KCNIP4: variants seen among roughly 807,000 people sequenced by gnomAD.
KCNIP4 encodes Kv channel-interacting protein 4.
A neutral mutation model predicts 34.0 loss-of-function variants in KCNIP4; 12 were observed. That is an observed-to-expected ratio of 0.35 (90% CI 0.23 to 0.57). KCNIP4 has a LOEUF of 0.57. Among genes scored for constraint, KCNIP4 ranks in the 20% least tolerant of loss-of-function variants. The pLI is 0.83. For missense variants in KCNIP4, 238 were observed against 311.7 expected, an observed-to-expected ratio of 0.76 and a Z score of 1.78; for synonymous variants, 124 against 102.2, an observed-to-expected ratio of 1.21 and a Z score of -1.29.
intron 1 of KCNIP4, among the ~76,000 whole-genome samples, chr4:21,468,120 A>G (rs541083199): frequency 5.3e-5 from 8 of 152,280 alleles, no homozygotes; most frequent in African/African-American, 1.9e-4. Flanking sequence ...ATTTCTTGCA[A>G]TCCAGGTTCC....
At chr4:21,252,210 C>A (rs112040047) in intron 1 of KCNIP4, among the ~76,000 whole-genome samples, 19,676 of 148,070 alleles carry the variant, frequency 0.13, 4,322 homozygotes, top group African/African-American at 0.46. Context: ...TCACTGCAAT[C>A]TCCGCCTCCC....
intron 7 of KCNIP4, 60 bp downstream of exon 7, chr4:20,732,621 C>A (rs1008962087): frequency 1.0e-5 from 11 of 1,067,916 alleles, no homozygotes; most frequent in East Asian, 2.4e-5. Context: ...TGGTGCATGG[C>A]AAACATCAGG....
At chr4:20,791,492 G>A (rs1185892078) in intron 3 of KCNIP4, among the ~76,000 whole-genome samples, 1 of 152,054 alleles carries the variant, frequency 6.6e-6, no homozygotes, top group Non-Finnish European at 1.5e-5. Context: ...AACATAAAAT[G>A]TATGAAACCA....
chr4:21,367,763 C>A (rs1389759820), intron 1 of KCNIP4, among the ~76,000 whole-genome samples: 1 of 147,258 alleles, frequency 6.8e-6, no homozygotes, highest in Admixed American at 6.6e-5. Context: ...CTACATTTTA[C>A]CTGTCAGGGA....
intron 1 of KCNIP4, among the ~76,000 whole-genome samples, chr4:21,443,811 A>C (rs944628871): frequency 6.6e-6 from 1 of 152,072 alleles, no homozygotes; most frequent in Admixed American, 6.5e-5. Flanking sequence ...TTTGTGCCTG[A>C]AGGTCCAGCC....
chr4:21,311,161 T>C (rs1198558467), intron 1 of KCNIP4, among the ~76,000 whole-genome samples: 1 of 152,178 alleles, frequency 6.6e-6, no homozygotes, highest in African/African-American at 2.4e-5. Flanking sequence ...ATTGAGCTCT[T>C]GCTACACATC....
At chr4:21,734,556 A>C (rs1715848591) in intron 1 of KCNIP4, among the ~76,000 whole-genome samples, 1 of 152,188 alleles carries the variant, frequency 6.6e-6, no homozygotes, top group South Asian at 2.1e-4. Flanking sequence ...CTCTTTAATA[A>C]TTTGAGTCAC....
chr4:21,144,979 GAA>G (rs5856605), intron 1 of KCNIP4, among the ~76,000 whole-genome samples: 71 of 148,754 alleles, frequency 4.8e-4, no homozygotes, highest in East Asian at 2.8e-3. Flanking sequence ...CATCTTTAGG[GAA>G]AAAAAAAAAT....
chr4:21,116,563 T>C (rs1403341042), intron 1 of KCNIP4, among the ~76,000 whole-genome samples: 2 of 152,258 alleles, frequency 1.3e-5, no homozygotes, highest in Non-Finnish European at 2.9e-5. Context: ...TTTTCTCATC[T>C]TTTGTTGTTC....
At chr4:21,464,338 T>A (rs1343585446) in intron 1 of KCNIP4, among the ~76,000 whole-genome samples, 1 of 152,030 alleles carries the variant, frequency 6.6e-6, no homozygotes. Context: ...TTTGTAGTTA[T>A]AAATTTCTCT....
chr4:21,360,953 G>A (rs531565142), intron 1 of KCNIP4, among the ~76,000 whole-genome samples: 5 of 152,146 alleles, frequency 3.3e-5, no homozygotes, highest in Admixed American at 3.3e-4. Flanking sequence ...ATCAGCATCC[G>A]CTGCTACACC....
At chr4:21,070,257 C>T (rs867875247) in intron 1 of KCNIP4, among the ~76,000 whole-genome samples, 2 of 152,196 alleles carry the variant, frequency 1.3e-5, no homozygotes, top group African/African-American at 2.4e-5. Flanking sequence ...ATATTTTGGT[C>T]TTGTTTTTGG....
intron 1 of KCNIP4, among the ~76,000 whole-genome samples, chr4:21,540,458 T>C (rs1560501039): frequency 6.6e-6 from 1 of 152,120 alleles, no homozygotes; most frequent in Admixed American, 6.5e-5. Context: ...ATCAGGAGAA[T>C]ACGTACAAGA....
At chr4:21,586,896 C>T (rs952411281) in intron 1 of KCNIP4, among the ~76,000 whole-genome samples, 6 of 151,988 alleles carry the variant, frequency 3.9e-5, no homozygotes, top group Admixed American at 6.6e-5. Flanking sequence ...AAGTCTCAGC[C>T]TTATCATTTT....
chr4:20,939,780 T>C (rs1731453023), intron 1 of KCNIP4, among the ~76,000 whole-genome samples: 1 of 152,172 alleles, frequency 6.6e-6, no homozygotes, highest in South Asian at 2.1e-4. Context: ...TCTTGGACCA[T>C]CCGCAACCAG....
intron 1 of KCNIP4, among the ~76,000 whole-genome samples, chr4:21,685,156 A>T (rs1391310275): frequency 6.6e-6 from 1 of 152,176 alleles, no homozygotes; most frequent in Non-Finnish European, 1.5e-5. Flanking sequence ...AACATTTTAA[A>T]ATCAATAGAA....
intron 1 of KCNIP4, among the ~76,000 whole-genome samples, chr4:21,641,673 G>T (rs1746627129): frequency 6.6e-6 from 1 of 152,064 alleles, no homozygotes; most frequent in Non-Finnish European, 1.5e-5. Flanking sequence ...GGAGAGGAGG[G>T]ACTTTAATAA....
At chr4:21,388,645 T>C (rs1234941355) in intron 1 of KCNIP4, among the ~76,000 whole-genome samples, 2 of 152,152 alleles carry the variant, frequency 1.3e-5, no homozygotes, top group African/African-American at 4.8e-5. Flanking sequence ...AACATCCTTC[T>C]ATCCTTTTAG....
chr4:21,276,954 C>G (rs1303359308), intron 1 of KCNIP4, among the ~76,000 whole-genome samples: 1 of 152,156 alleles, frequency 6.6e-6, no homozygotes, highest in Non-Finnish European at 1.5e-5. Context: ...GTTGCAGCAA[C>G]AATGTTGAGA....
Sources: gnomAD v4.1 joint callset for allele counts (sites outside exome capture counted in the v4.1 genomes callset) on GRCh38, gnomAD v4.1.1 for gene constraint, MANE v1.5 for transcripts, NCBI Gene and HGNC (gene_info 2026-07-23, HGNC 2026-07-21) for gene names.